The following CCDC171 variants were observed in gnomAD, a reference collection of about 807,000 sequenced individuals.
The protein encoded by CCDC171 is coiled-coil domain containing 171.
Under a neutral mutation model 168.2 loss-of-function variants are expected in CCDC171, and 177 were observed. The ratio of observed to expected loss-of-function variants is 1.05; its 90% CI spans 0.93 to 1.19. The LOEUF is 1.19. Among genes scored for constraint, CCDC171 ranks in the 50% most tolerant of loss-of-function variants. CCDC171 has a pLI of 0.00. For missense variants in CCDC171, 1,991 were observed against 1,539.0 expected, an observed-to-expected ratio of 1.29 and a Z score of -4.91; for synonymous variants, 687 against 540.8, an observed-to-expected ratio of 1.27 and a Z score of -3.75.
At chr9:15,855,821 A>T (rs571789746) in intron 23 of CCDC171, among the ~76,000 whole-genome samples, 1 of 151,810 alleles carries the variant, frequency 6.6e-6, no homozygotes, top group Non-Finnish European at 1.5e-5. Context: ...TTTGCTCTTA[A>T]ATAGCTTCAT....
chr9:15,840,741 G>T (rs546931202), intron 21 of CCDC171, among the ~76,000 whole-genome samples: 1 of 151,964 alleles, frequency 6.6e-6, no homozygotes, highest in African/African-American at 2.4e-5. Flanking sequence ...ATATTTTCCA[G>T]TTGAGAGGGT....
intron 3 of CCDC171, among the ~76,000 whole-genome samples, chr9:16,000,739 TG>T (rs1832516260): frequency 1.3e-5 from 2 of 152,014 alleles, no homozygotes; most frequent in South Asian, 4.2e-4. Context: ...TTTTTTTTTT[TG>T]CTTCACCTAC....
chr9:15,590,461 A>T (rs887221143), intron 4 of CCDC171, among the ~76,000 whole-genome samples: 3 of 152,224 alleles, frequency 2.0e-5, no homozygotes, highest in Admixed American at 1.3e-4. Flanking sequence ...ATGGAGCCAG[A>T]CCTGGAAGCA....
At chr9:15,630,264 C>T (rs1463154223) in intron 7 of CCDC171, among the ~76,000 whole-genome samples, 1 of 152,152 alleles carries the variant, frequency 6.6e-6, no homozygotes, top group African/African-American at 2.4e-5. Flanking sequence ...CATCAGTGTG[C>T]TGTATTCAGG....
At chr9:15,578,681 T>A (rs1014170359) in intron 3 of CCDC171, among the ~76,000 whole-genome samples, 168 bp from the exon 4 acceptor site, 1 of 151,888 alleles carries the variant, frequency 6.6e-6, no homozygotes, top group Non-Finnish European at 1.5e-5. Context: ...ACATAATGGG[T>A]GTCATTTTGT....
At chr9:15,912,862 C>G (rs1823909702) in intron 24 of CCDC171, among the ~76,000 whole-genome samples, 1 of 152,186 alleles carries the variant, frequency 6.6e-6, no homozygotes, top group Non-Finnish European at 1.5e-5. Flanking sequence ...ATATGATGAA[C>G]CAGCCTTGCA....
chr9:15,965,812 G>A (rs1387608399), intron 25 of CCDC171, among the ~76,000 whole-genome samples: 1 of 152,180 alleles, frequency 6.6e-6, no homozygotes. Flanking sequence ...TAAGTAACTT[G>A]TCAAGGATCA....
At chr9:15,771,843 G>C (rs2057028950) in intron 18 of CCDC171, among the ~76,000 whole-genome samples, 1 of 151,976 alleles carries the variant, frequency 6.6e-6, no homozygotes, top group South Asian at 2.1e-4. Context: ...CTTTTTTGGG[G>C]GGACGGGCGG....
chr9:16,079,050 C>A, the CCDC171 span, among the ~76,000 whole-genome samples: 1 of 152,172 alleles, frequency 6.6e-6, no homozygotes, highest in Non-Finnish European at 1.5e-5. Flanking sequence ...ACTGCTCTAA[C>A]CTATAAGGCC....
intron 24 of CCDC171, among the ~76,000 whole-genome samples, chr9:15,911,465 G>C (rs1241896696): frequency 6.6e-6 from 1 of 152,174 alleles, no homozygotes; most frequent in Non-Finnish European, 1.5e-5. Flanking sequence ...CAGATGGATA[G>C]ATTGCAGTAA....
intron 2 of CCDC171, among the ~76,000 whole-genome samples, chr9:15,566,311 A>G (rs1267165254): frequency 6.6e-6 from 1 of 152,032 alleles, no homozygotes; most frequent in Non-Finnish European, 1.5e-5. Context: ...TAATCCCAGC[A>G]CTTTGGGAGG....
At chr9:15,672,696 T>C (rs887273645) in intron 9 of CCDC171, among the ~76,000 whole-genome samples, 3 of 152,224 alleles carry the variant, frequency 2.0e-5, no homozygotes, top group Non-Finnish European at 4.4e-5. Context: ...CTCTGTTCTG[T>C]TCCATTGGTC....
At chr9:15,723,161 CA>C (rs1317172116) in intron 12 of CCDC171, among the ~76,000 whole-genome samples, 1 of 152,152 alleles carries the variant, frequency 6.6e-6, no homozygotes, top group Non-Finnish European at 1.5e-5. Context: ...GAAAATAAAT[CA>C]CAAGCGGTGC....
chr9:15,922,386 T>C (rs996243764), intron 25 of CCDC171, among the ~76,000 whole-genome samples: 3 of 151,684 alleles, frequency 2.0e-5, no homozygotes. Flanking sequence ...CTAAAGGAAA[T>C]AGAAAAACAA....
chr9:16,076,996 C>T, the CCDC171 span, among the ~76,000 whole-genome samples: 5 of 152,278 alleles, frequency 3.3e-5, no homozygotes, highest in South Asian at 1.0e-3. Flanking sequence ...CTTTTTTCCC[C>T]TTTCCTCTTA....
At chr9:16,027,740 C>G (rs1002441862) in intron 6 of CCDC171, among the ~76,000 whole-genome samples, 1 of 152,068 alleles carries the variant, frequency 6.6e-6, no homozygotes, top group Non-Finnish European at 1.5e-5. Flanking sequence ...ATCAGGGAAA[C>G]CCAGTCAAGG....
At chr9:15,700,474 C>G (rs1321544393) in intron 11 of CCDC171, among the ~76,000 whole-genome samples, 1 of 152,196 alleles carries the variant, frequency 6.6e-6, no homozygotes, top group Non-Finnish European at 1.5e-5. Context: ...TTGGCCAGCC[C>G]AGAAAGGGGC....
At chr9:15,810,360 C>T (rs781422009) in intron 21 of CCDC171, among the ~76,000 whole-genome samples, 8 of 152,208 alleles carry the variant, frequency 5.3e-5, no homozygotes, top group Admixed American at 1.3e-4. Context: ...GCCAGGGCCA[C>T]GGGCAGAGCT....
chr9:15,930,335 A>C (rs1056927134), intron 25 of CCDC171, among the ~76,000 whole-genome samples: 1 of 151,730 alleles, frequency 6.6e-6, no homozygotes, highest in South Asian at 2.1e-4. Flanking sequence ...CATATTCTAT[A>C]TATGGTAAAA....
Sources: allele counts gnomAD v4.1 joint callset (sites outside exome capture counted in the v4.1 genomes callset), GRCh38; gene constraint gnomAD v4.1.1; transcripts MANE v1.5; gene names NCBI Gene and HGNC (gene_info 2026-07-23, HGNC 2026-07-21).